Variants in PTP4A3 observed in about 807,000 individuals in gnomAD.
The protein encoded by PTP4A3 is protein tyrosine phosphatase type IVA 3.
In PTP4A3, 9 loss-of-function variants were observed where a neutral mutation model predicts 15.2. The observed-to-expected ratio is 0.59, with a 90% confidence interval of 0.36 to 1.03. The LOEUF (loss-of-function observed/expected upper bound fraction) is 1.03. Ranked by LOEUF, PTP4A3 falls within the 50% of genes least tolerant of loss-of-function variation. The pLI is 0.02. For synonymous variants in PTP4A3, 95 were observed against 102.0 expected (o/e 0.93, Z 0.41); for missense variants, 234 against 252.1 (o/e 0.93, Z 0.49).
At chr8:141,428,602 CTG>C (rs1328302055) in intron 5 of PTP4A3, among the ~76,000 whole-genome samples, 1 of 152,166 alleles carries the variant, frequency 6.6e-6, no homozygotes, top group Non-Finnish European at 1.5e-5. Context: ...CCCTGTGGGT[CTG>C]TGTGAGAGTG....
At position 141,431,275 on chromosome 8, in the gene PTP4A3, C is replaced by T. The variant is rs544327362; in HGVS notation, c.*231C>T. The T allele has an allele frequency of 1.1e-4, 64 of 564,512 alleles. No homozygotes were observed. The highest frequency in any genetic ancestry group is 4.9e-4 in the African/African-American group (26 of 53,030). 35.0% of individuals were successfully genotyped at this position (564,512 alleles called of 1,614,324 possible). A position where few individuals can be genotyped will look rare whatever the true frequency, so the allele number is the denominator to read the frequency against. ...CTCCTGTCTCCGCCACTCCCTCTGGCGGCGCTGGCCGTGGCTCTGTCTCTC... is the reference window on the plus strand; with the variant it reads ...CTCCTGTCTCCGCCACTCCCTCTGGTGGCGCTGGCCGTGGCTCTGTCTCTC... On this transcript the variant is annotated 3_prime_UTR_variant, in exon 6 of 6. Transcript: ENST00000521578.
chr8:141,409,497 G>A (rs918670893), intron 1 of PTP4A3, among the ~76,000 whole-genome samples: 1 of 152,212 alleles, frequency 6.6e-6, no homozygotes, highest in Non-Finnish European at 1.5e-5. Context: ...TGGGCACCAC[G>A]GCGATGCCCA....
intron 5 of PTP4A3, among the ~76,000 whole-genome samples, chr8:141,429,141 G>T (rs1239944658): frequency 6.6e-6 from 1 of 152,244 alleles, no homozygotes; most frequent in Non-Finnish European, 1.5e-5. Context: ...TTGCGTGTCT[G>T]TTGGTGGGGG....
intron 3 of PTP4A3, among the ~76,000 whole-genome samples, chr8:141,426,065 G>C (rs4076820): frequency 1.3e-5 from 2 of 152,158 alleles, no homozygotes; most frequent in Admixed American, 1.3e-4. Context: ...GGGGTCAGAC[G>C]TAAGTAGCCG....
At chr8:141,424,255 G>A (rs796341242) in intron 2 of PTP4A3, among the ~76,000 whole-genome samples, 6 of 152,326 alleles carry the variant, frequency 3.9e-5, no homozygotes, top group African/African-American at 1.4e-4. Context: ...ACGAGAGCAG[G>A]TGGGGTGGGA....
chr8:141,402,617 GCA>G (rs1832621116), intron 1 of PTP4A3, among the ~76,000 whole-genome samples: 1 of 152,158 alleles, frequency 6.6e-6, no homozygotes, highest in Non-Finnish European at 1.5e-5. Context: ...GTGGGGGCAG[GCA>G]GCCCTGCCCC....
At position 141,431,416 on chromosome 8, in the gene PTP4A3, T is replaced by G. The variant is rs866676402; in HGVS notation, c.*372T>G. ...TTGTAACCACTGGGCCCCCAGCCCC[T>G]CTTTTGCGACCCCTTGTCCTGACCT... On this transcript the variant is annotated 3_prime_UTR_variant, in exon 6 of 6. Transcript: ENST00000521578. 3 of 269,688 alleles carry G rather than the reference T, an allele frequency of 1.1e-5. No homozygotes were observed. Among genetic ancestry groups the G allele is most frequent in the African/African-American group, 4.5e-5 (2 of 44,610 alleles). The allele number at this position is 269,688 out of a possible 1,614,324, so 16.7% of individuals were successfully genotyped here.
intron 1 of PTP4A3, among the ~76,000 whole-genome samples, chr8:141,408,611 C>G (rs1832790484): frequency 7.0e-6 from 1 of 143,690 alleles, no homozygotes; most frequent in African/African-American, 2.7e-5. Flanking sequence ...GAGCGAGACT[C>G]TGTCTGAAAA....
chr8:141,411,076 G>T (rs1421668191), intron 1 of PTP4A3, among the ~76,000 whole-genome samples: 1 of 152,186 alleles, frequency 6.6e-6, no homozygotes, highest in African/African-American at 2.4e-5. Flanking sequence ...TGTGCATGGG[G>T]TGGACCTGTG....
At position 141,425,559 on chromosome 8, in the gene PTP4A3, G is replaced by A. The variant is rs568338779; in HGVS notation, c.198+419G>A. The stretch of plus-strand genomic sequence containing the variant: ...GGGAGGGCCCTTGGGCAGTTTCCTC[G>A]GCTTCTTTGGCCCTGGGGACCCAGG... On this transcript the variant is annotated intron_variant, in intron 3 of 5. Transcript: ENST00000521578. This position sits in a 1 kb window ranked among gnomAD's most constrained non-coding sequence, Gnocchi z 4.2. Among the ~76,000 whole-genome samples, 130 of 143,138 alleles carry A rather than the reference G, an allele frequency of 9.1e-4. No homozygotes were observed. The highest frequency in any genetic ancestry group is 1.7e-3 in the African/African-American group (65 of 39,134). 93.9% of individuals were successfully genotyped at this position (143,138 alleles called of 152,430 possible). A position where few individuals can be genotyped will look rare whatever the true frequency, so the allele number is the denominator to read the frequency against.
chr8:141,417,777 T>G (rs1303851859), intron 1 of PTP4A3, among the ~76,000 whole-genome samples: 1 of 151,864 alleles, frequency 6.6e-6, no homozygotes, highest in African/African-American at 2.4e-5. Context: ...GCGCGGCCCC[T>G]TTGTTTCCCG....
In PTP4A3 at chr8:141,399,466, C is replaced by T. The variant is rs551555232; in HGVS notation, c.-854+7382C>T. On this transcript the variant is annotated intron_variant, in intron 1 of 5. Transcript: ENST00000521578. ...CGGGGCTCCCGGCTGCCCCTCCCCT[C>T]GGTGGCCTCCCTGTCCCCTCCGCAT... Among the ~76,000 whole-genome samples, 21 of 152,318 alleles carry T rather than the reference C, an allele frequency of 1.4e-4. No homozygotes were observed. The South Asian group carries it at 1.7e-3, about 12-fold the overall frequency.
At chr8:141,398,391 T>A (rs1832503568) in intron 1 of PTP4A3, among the ~76,000 whole-genome samples, 1 of 152,124 alleles carries the variant, frequency 6.6e-6, no homozygotes, top group Non-Finnish European at 1.5e-5. Context: ...GTTGCTGATG[T>A]GGGCAGACGG....
At position 141,422,072 on chromosome 8, in the gene PTP4A3, C is replaced by T; in HGVS notation, c.-169C>T. ...TTCCTCCCCCACACCCAAGTATTTG[C>T]ACAATATTTGTGCGGGGTATGGGGG... On this transcript the variant is annotated 5_prime_UTR_variant, in exon 2 of 6. Transcript: ENST00000521578. 2 of 586,858 alleles carry T rather than the reference C, an allele frequency of 3.4e-6. No individual in the cohort carries two copies. The highest frequency in any genetic ancestry group is 5.9e-6 in the Non-Finnish European group (2 of 336,244). 36.4% of individuals were successfully genotyped at this position (586,858 alleles called of 1,614,324 possible). A position where few individuals can be genotyped will look rare whatever the true frequency, so the allele number is the denominator to read the frequency against.
chr8:141,414,061 C>CGTGT (rs10571256), intron 1 of PTP4A3, among the ~76,000 whole-genome samples: 7 of 150,256 alleles, frequency 4.7e-5, no homozygotes, highest in African/African-American at 1.2e-4. Flanking sequence ...GTTTCTGTGG[C>CGTGT]GTGTGTGTGT....
At position 141,430,935 on chromosome 8, in the gene PTP4A3, G is replaced by C. The variant is rs765562614; in HGVS notation, c.413G>C (p.Arg138Pro). The C allele has an allele frequency of 6.2e-7, 1 of 1,613,174 alleles. No homozygotes were observed. The highest frequency in any genetic ancestry group is 1.7e-4 in the Middle Eastern group (1 of 6,058). The change falls in exon 6 of 6, where the codon CGC (arginine) becomes CCC (proline). Residue 138 changes from arginine to proline, a missense_variant. Physicochemically the swap from Arg to Pro is moderately radical, Grantham distance 103. Transcript: ENST00000521578. The part of the protein sequence containing the change: ...DAIQFIRQKR[R>P]GAINSKQLTY... ...TGTTCCCCTCTTCCCAGGAAGCGCCGCGGAGCCATCAACAGCAAGCAGCTC... is the reference window on the plus strand; with the variant it reads ...TGTTCCCCTCTTCCCAGGAAGCGCCCCGGAGCCATCAACAGCAAGCAGCTC...
chr8:141,415,932 A>G (rs1833034188), intron 1 of PTP4A3, among the ~76,000 whole-genome samples: 2 of 151,740 alleles, frequency 1.3e-5, no homozygotes, highest in Admixed American at 1.3e-4. Context: ...TGGCCCCCCT[A>G]GCAATGGGCG....
intron 1 of PTP4A3, among the ~76,000 whole-genome samples, chr8:141,417,452 C>T (rs759574916): frequency 6.6e-6 from 1 of 152,054 alleles, no homozygotes; most frequent in African/African-American, 2.4e-5. Context: ...GCGCCCTCCT[C>T]CTCAGGGTGC....
chr8:141,425,206 C>T lies in PTP4A3; in HGVS notation c.198+66C>T, dbSNP rs376511855. On this transcript the variant is annotated intron_variant, in intron 3 of 5. Coordinates refer to ENST00000521578, the MANE Select transcript of PTP4A3 (RefSeq NM_032611.3). The surrounding 1 kb of genome is among the most constrained non-coding windows in gnomAD (Gnocchi z 4.2). ...CGGGGGAGGGTGGGGCGGGGGGCTC[C>T]GGGCCTGCGCAGAGGGTTTGGTGCC... The T allele has an allele frequency of 1.5e-3, 2,070 of 1,404,604 alleles. 22 individuals carry two copies. The African/African-American group carries it at 0.026, about 17-fold the overall frequency. The allele number at this position is 1,404,604 out of a possible 1,614,324, so 87.0% of individuals were successfully genotyped here.
Sources: allele counts gnomAD v4.1 joint callset (sites outside exome capture counted in the v4.1 genomes callset), GRCh38; gene constraint gnomAD v4.1.1; non-coding constraint Gnocchi (gnomAD v3.1); transcripts MANE v1.5; gene names NCBI Gene and HGNC (gene_info 2026-07-23, HGNC 2026-07-21).